The following KCNJ6 variants were observed in gnomAD, a reference collection of about 807,000 sequenced individuals.
KCNJ6 encodes the protein potassium inwardly rectifying channel subfamily J member 6, also known as G protein-activated inward rectifier potassium channel 2.
Under a neutral mutation model 34.2 loss-of-function variants are expected in KCNJ6, and 9 were observed. The observed-to-expected ratio is 0.26, with a 90% CI of 0.16 to 0.46. KCNJ6 has a LOEUF of 0.46. Ranked by LOEUF, KCNJ6 falls within the 20% of genes least tolerant of loss-of-function variation. The probability of loss-of-function intolerance (pLI) is 1.00; values close to 1 mark genes in which losing one functional copy is unlikely to be tolerated. For synonymous variants in KCNJ6, 196 were observed against 207.1 expected (o/e 0.95, Z 0.46); for missense variants, 236 against 531.3 (o/e 0.44, Z 5.46).
chr21:37,748,131 T>C (rs1178957090), intron 2 of KCNJ6, among the ~76,000 whole-genome samples: 1 of 152,140 alleles, frequency 6.6e-6, no homozygotes, highest in African/African-American at 2.4e-5. Context: ...CTAGGGCCAT[T>C]TATACAACCC....
chr21:37,799,298 AG>A (rs1196589769), intron 2 of KCNJ6, among the ~76,000 whole-genome samples: 1 of 152,192 alleles, frequency 6.6e-6, no homozygotes, highest in Non-Finnish European at 1.5e-5. Context: ...GCTGCCTAGG[AG>A]GGGAAATGCC....
chr21:37,805,257 C>T (rs933825690), intron 2 of KCNJ6, among the ~76,000 whole-genome samples: 7 of 151,584 alleles, frequency 4.6e-5, no homozygotes, highest in Non-Finnish European at 1.0e-4. Context: ...GTGAATTTTG[C>T]GATATGTGAA....
At chr21:37,735,147 G>A (rs1004867635) in intron 2 of KCNJ6, among the ~76,000 whole-genome samples, 6 of 152,110 alleles carry the variant, frequency 3.9e-5, no homozygotes, top group African/African-American at 1.4e-4. Flanking sequence ...AAAGAGACAT[G>A]ACTCAGTCAA....
chr21:37,607,482 A>ATATATATATATATATATATATTT lies in KCNJ6; in HGVS notation c.*17676_*17677insAAATATATATATATATATATATA. 18 of 136,748 alleles carry ATATATATATATATATATATATTT rather than the reference A, an allele frequency of 1.3e-4. No individual in the cohort carries two copies. The highest frequency in any genetic ancestry group is 2.3e-4 in the East Asian group (1 of 4,394). 8.5% of individuals were successfully genotyped at this position (136,748 alleles called of 1,614,324 possible). A position where few individuals can be genotyped will look rare whatever the true frequency, so the allele number is the denominator to read the frequency against. Reference sequence around the variant, plus strand: ...CTTAAAGATATATATATATATATATATTTTTTTTTTATTTTAAAAAAATTT... The same window carrying ATATATATATATATATATATATTT: ...CTTAAAGATATATATATATATATATATATATATATATATATATATATTTTTTTTTTTTTATTTTAAAAAAATTT... On this transcript the variant is annotated 3_prime_UTR_variant, in exon 4 of 4. Coordinates refer to ENST00000609713, the MANE Select transcript of KCNJ6 (RefSeq NM_002240.5).
At chr21:37,803,549 G>T (rs1036041149) in intron 2 of KCNJ6, among the ~76,000 whole-genome samples, 3 of 152,156 alleles carry the variant, frequency 2.0e-5, no homozygotes, top group African/African-American at 7.2e-5. Flanking sequence ...GTGTTGGACA[G>T]TATTTCACCG....
chr21:37,784,860 T>A (rs958347195), intron 2 of KCNJ6, among the ~76,000 whole-genome samples: 4 of 152,216 alleles, frequency 2.6e-5, no homozygotes, highest in African/African-American at 9.6e-5. Context: ...CATAAAATGG[T>A]TCTTCCAGGA....
At chr21:37,864,495 C>G (rs200322460) in intron 1 of KCNJ6, among the ~76,000 whole-genome samples, 2 of 152,010 alleles carry the variant, frequency 1.3e-5, no homozygotes, top group Admixed American at 6.6e-5. Context: ...TTTAATACAC[C>G]GCAAAAACAA....
At chr21:37,822,876 G>C (rs2055380366) in intron 2 of KCNJ6, among the ~76,000 whole-genome samples, 1 of 152,168 alleles carries the variant, frequency 6.6e-6, no homozygotes, top group Non-Finnish European at 1.5e-5. Flanking sequence ...CGGGGGACTC[G>C]AGAGTGATGT....
chr21:37,819,781 G>A (rs1213265945), intron 2 of KCNJ6, among the ~76,000 whole-genome samples: 1 of 144,278 alleles, frequency 6.9e-6, no homozygotes, highest in Non-Finnish European at 1.5e-5. Context: ...CATTGTCTAA[G>A]ATGGAATGTT....
chr21:37,767,760 CA>C (rs1202380515), intron 2 of KCNJ6, among the ~76,000 whole-genome samples: 2 of 152,106 alleles, frequency 1.3e-5, no homozygotes, highest in African/African-American at 4.8e-5. Context: ...CTACTATGGG[CA>C]AAAGGTTTGT....
chr21:37,782,895 G>A (rs2055176266), intron 2 of KCNJ6, among the ~76,000 whole-genome samples: 2 of 152,172 alleles, frequency 1.3e-5, no homozygotes, highest in Admixed American at 1.3e-4. Context: ...CCTGATTTGT[G>A]TGATAAATTA....
chr21:37,714,943 C>T lies in KCNJ6; in HGVS notation c.214G>A (p.Glu72Lys). 6.2e-7 allele frequency: 1 copy of T among 1,613,942 alleles called. No individual in the cohort carries two copies. Among genetic ancestry groups the T allele is most frequent in the Non-Finnish European group, 8.5e-7 (1 of 1,179,968 alleles). Reference sequence around the variant, plus strand: ...ATATCGGTCAGGTAGCGATAGGTCTCCCTCACGTTGCCGTGATGAACATTG... The same window carrying T: ...ATATCGGTCAGGTAGCGATAGGTCTTCCTCACGTTGCCGTGATGAACATTG... Reference protein sequence around the residue: ...KCNVHHGNVRETYRYLTDIFT... With the variant: ...KCNVHHGNVRKTYRYLTDIFT... The change falls in exon 3 of 4, where the codon GAG becomes AAG. Residue 72 changes from glutamate to lysine, a missense_variant. By Grantham distance (56) the Glu-to-Lys change is moderately conservative. Around this residue, in one of 5 missense-constraint regions of KCNJ6, gnomAD observed 68 missense variants for 165.7 expected, o/e 0.41. Transcript: ENST00000609713. The surrounding 1 kb of genome is among the most constrained non-coding windows in gnomAD (Gnocchi z 5.9).
At chr21:37,860,724 C>T (rs1333617131) in intron 1 of KCNJ6, among the ~76,000 whole-genome samples, 1 of 152,112 alleles carries the variant, frequency 6.6e-6, no homozygotes, top group East Asian at 1.9e-4. Context: ...CCTGGAGTGG[C>T]TCTCTATGTC....
intron 3 of KCNJ6, among the ~76,000 whole-genome samples, chr21:37,649,157 A>AAAAAAAAAAAAAAAAAAC (rs755535850): frequency 7.5e-6 from 1 of 133,978 alleles, no homozygotes; most frequent in Non-Finnish European, 1.6e-5. Flanking sequence ...AAAAAAAAGA[A>AAAAAAAAAAAAAAAAAAC]AGAAAAAGAA....
chr21:37,682,043 A>T (rs1428947290), intron 3 of KCNJ6, among the ~76,000 whole-genome samples: 2 of 152,226 alleles, frequency 1.3e-5, no homozygotes, highest in African/African-American at 4.8e-5. Context: ...TGCTTCTTTC[A>T]TTCCACAAAT....
In KCNJ6 at chr21:37,916,048, G is replaced by C. The variant is rs554904428; in HGVS notation, c.-192C>G. 6.6e-6 allele frequency: 1 copy of C among 152,464 alleles called. No individual in the cohort carries two copies. The highest frequency in any genetic ancestry group is 1.9e-4 in the East Asian group (1 of 5,180). 9.4% of individuals were successfully genotyped at this position (152,464 alleles called of 1,614,324 possible). On this transcript the variant is annotated 5_prime_UTR_variant, in exon 1 of 4. Coordinates refer to ENST00000609713, the MANE Select transcript of KCNJ6 (RefSeq NM_002240.5). ...TGGTCAAATTTCACATCAGCACCGA[G>C]AGGCTGTTAGGAGACTCCATTCTGC...
chr21:37,756,404 G>A (rs1184943954), intron 2 of KCNJ6, among the ~76,000 whole-genome samples: 2 of 152,236 alleles, frequency 1.3e-5, no homozygotes, highest in African/African-American at 2.4e-5. Flanking sequence ...CAGGGCTGGC[G>A]TGGGGGCCTG....
At chr21:37,859,214 T>A (rs1372751286) in intron 1 of KCNJ6, among the ~76,000 whole-genome samples, 2 of 151,998 alleles carry the variant, frequency 1.3e-5, no homozygotes, top group East Asian at 3.9e-4. Context: ...ATTCCCAAGA[T>A]ACATTGTTAA....
chr21:37,872,782 T>C (rs992197976), intron 1 of KCNJ6, among the ~76,000 whole-genome samples: 2 of 152,166 alleles, frequency 1.3e-5, no homozygotes. Flanking sequence ...AATCCTCACA[T>C]GTCATGGGAG....
Sources: gnomAD v4.1 joint callset for allele counts (sites outside exome capture counted in the v4.1 genomes callset) on GRCh38, gnomAD v4.1.1 for gene constraint, gnomAD v4.1.1 regional missense constraint, Gnocchi (gnomAD v3.1) non-coding constraint, MANE v1.5 for transcripts, NCBI Gene and HGNC (gene_info 2026-07-23, HGNC 2026-07-21) for gene names.